The following NEDD4 variants were observed in gnomAD, a reference collection of about 807,000 sequenced individuals.
NEDD4 encodes NEDD4 E3 ubiquitin protein ligase, also known as E3 ubiquitin-protein ligase NEDD4.
Under a neutral mutation model 144.9 loss-of-function variants are expected in NEDD4, and 99 were observed. That is an observed-to-expected ratio of 0.68 (90% confidence interval 0.58 to 0.81). The LOEUF (loss-of-function observed/expected upper bound fraction) is 0.81. NEDD4 is among the 30% of genes least tolerant of loss of function. The pLI is 0.00. For synonymous variants in NEDD4, 318 were observed against 350.6 expected (o/e 0.91, Z 1.04); for missense variants, 985 against 1,065.9 (o/e 0.92, Z 1.06).
chr15:55,834,445 T>G (rs910119712), intron 24 of NEDD4, among the ~76,000 whole-genome samples, 159 bp from the exon 25 acceptor site: 2 of 152,074 alleles, frequency 1.3e-5, no homozygotes, highest in South Asian at 2.1e-4. Context: ...GGCCAGAAAA[T>G]GTACATGTGC....
intron 24 of NEDD4, among the ~76,000 whole-genome samples, chr15:55,837,412 A>C (rs1230111125): frequency 4.1e-5 from 6 of 145,818 alleles, no homozygotes; most frequent in Middle Eastern, 3.2e-3. Flanking sequence ...CCTGGGCGAC[A>C]AAGTGACTCA....
At position 55,853,480 on chromosome 15, in the gene NEDD4, C is replaced by T. The variant is rs560962029; in HGVS notation, c.1027-937G>A. On this transcript the variant is annotated intron_variant, in intron 12 of 28. Transcript: ENST00000435532. ...CTATACTTGATCTTAGCCAAAAGGC[C>T]GAGAGTAATGGAAGTAACTTGTTAA... Among the ~76,000 whole-genome samples, 3 of 152,190 alleles carry T rather than the reference C, an allele frequency of 2.0e-5. No individual in the cohort carries two copies. The East Asian group carries it at 5.8e-4, about 29-fold the overall frequency.
intron 5 of NEDD4, among the ~76,000 whole-genome samples, chr15:55,885,695 TAC>T (rs1395801836): frequency 1.3e-5 from 2 of 151,546 alleles, no homozygotes; most frequent in Non-Finnish European, 2.9e-5. Context: ...ATACAAAAGA[TAC>T]ACAAAAAATT....
In NEDD4 at chr15:55,860,518, T is replaced by A. The variant is rs1214773225; in HGVS notation, c.849A>T (p.Pro283=). ...EATMYSNQAF[P]SPPPSSNLDV... ...CCAAGTTACTTGACGGTGGAGGTGA[T>A]GGGAAGGCCTGGTTGCTATACATGG... Residue 283 remains proline, a synonymous_variant, in exon 11 of 29, where the codon CCA becomes CCT. Coordinates refer to ENST00000435532, the MANE Select transcript of NEDD4 (RefSeq NM_006154.4). 5.0e-6 allele frequency: 8 copies of A among 1,614,122 alleles called. No individual in the cohort carries two copies. Among genetic ancestry groups the A allele is most frequent in the Non-Finnish European group, 6.8e-6 (8 of 1,179,994 alleles).
intron 14 of NEDD4, 46 bp downstream of exon 14, chr15:55,850,496 A>G: frequency 6.4e-7 from 1 of 1,561,990 alleles, no homozygotes; most frequent in South Asian, 1.1e-5. Flanking sequence ...TACATAAGAG[A>G]TGATTATTGT....
chr15:55,969,509 T>C (rs7171251), intron 1 of NEDD4, among the ~76,000 whole-genome samples: 23,122 of 151,984 alleles, frequency 0.15, 1,941 homozygotes, highest in East Asian at 0.32. Context: ...ACAGCACAGT[T>C]CATAGCTCCA....
At chr15:55,893,931 A>G (rs1222910046) in intron 5 of NEDD4, among the ~76,000 whole-genome samples, 12 of 151,904 alleles carry the variant, frequency 7.9e-5, no homozygotes, top group African/African-American at 2.9e-4. Flanking sequence ...CTACTTCCTT[A>G]TTGACTGTGC....
At chr15:55,859,478 G>A (rs1375471271) in intron 11 of NEDD4, among the ~76,000 whole-genome samples, 1 of 152,196 alleles carries the variant, frequency 6.6e-6, no homozygotes, top group African/African-American at 2.4e-5. Context: ...TGGATCACTT[G>A]AGGCCAGGAG....
intron 4 of NEDD4, among the ~76,000 whole-genome samples, chr15:55,931,771 C>A (rs2036786525): frequency 6.6e-6 from 1 of 152,220 alleles, no homozygotes; most frequent in African/African-American, 2.4e-5. Flanking sequence ...CTATAATTCA[C>A]ATAGCATACA....
At chr15:55,916,793 T>C in intron 5 of NEDD4, 1 of 1,609,698 alleles carries the variant, frequency 6.2e-7, no homozygotes, top group Non-Finnish European at 8.5e-7. Flanking sequence ...AAGTATTGCT[T>C]CTTCTGGCTG....
chr15:55,941,123 T>G (rs2036995108), intron 4 of NEDD4, among the ~76,000 whole-genome samples: 1 of 151,614 alleles, frequency 6.6e-6, no homozygotes, highest in Non-Finnish European at 1.5e-5. Flanking sequence ...ACTCTCTCTG[T>G]CTCTCTCATA....
intron 4 of NEDD4, among the ~76,000 whole-genome samples, chr15:55,926,902 C>G (rs1176106335): frequency 6.6e-6 from 1 of 151,674 alleles, no homozygotes; most frequent in African/African-American, 2.4e-5. Flanking sequence ...AGGGTGAAAC[C>G]CTGTCTCTAC....
At chr15:55,992,139 G>C (rs2037998190) in intron 1 of NEDD4, 1 of 152,298 alleles carries the variant, frequency 6.6e-6, no homozygotes, top group African/African-American at 2.4e-5. Context: ...CACAGGTGAA[G>C]TGCTGTATTA....
intron 2 of NEDD4, among the ~76,000 whole-genome samples, chr15:55,952,114 G>T (rs1666130553): frequency 6.6e-6 from 1 of 151,752 alleles, no homozygotes; most frequent in South Asian, 2.1e-4. Flanking sequence ...GGATCATGAG[G>T]TCAGGAGATC....
intron 5 of NEDD4, chr15:55,905,106 AG>A: frequency 3.2e-6 from 1 of 307,846 alleles, no homozygotes; most frequent in Admixed American, 4.7e-5. Flanking sequence ...AAAAAAAAAA[AG>A]AAAAGAAAAG....
At chr15:55,914,355 AT>A (rs774221904) in intron 5 of NEDD4, among the ~76,000 whole-genome samples, 1 of 151,898 alleles carries the variant, frequency 6.6e-6, no homozygotes, top group South Asian at 2.1e-4. Context: ...AACATTCCAA[AT>A]ACAGAAATTT....
At chr15:55,870,529 C>CTTT (rs58174546) in intron 7 of NEDD4, among the ~76,000 whole-genome samples, 47 of 117,392 alleles carry the variant, frequency 4.0e-4, no homozygotes, top group South Asian at 8.1e-4. Flanking sequence ...TCTTCTTCTT[C>CTTT]TTTTTTTTTT....
chr15:55,967,799 T>C (rs925082515), intron 1 of NEDD4, among the ~76,000 whole-genome samples: 51 of 152,182 alleles, frequency 3.4e-4, no homozygotes, highest in African/African-American at 1.1e-3. Context: ...CGTGAGAGAA[T>C]TGCTTGAGCC....
intron 1 of NEDD4, among the ~76,000 whole-genome samples, chr15:55,982,324 T>A (rs912549579): frequency 6.6e-6 from 1 of 152,162 alleles, no homozygotes; most frequent in Non-Finnish European, 1.5e-5. Context: ...TATAGATGAA[T>A]GTTCACCGTA....
Sources: gnomAD v4.1 joint callset for allele counts (sites outside exome capture counted in the v4.1 genomes callset) on GRCh38, gnomAD v4.1.1 for gene constraint, MANE v1.5 for transcripts, NCBI Gene and HGNC (gene_info 2026-07-23, HGNC 2026-07-21) for gene names.